The following ARHGAP42 variants were observed in gnomAD, a reference collection of about 807,000 sequenced individuals.
The protein encoded by ARHGAP42 is Rho GTPase activating protein 42.
Under a neutral mutation model 125.0 loss-of-function variants are expected in ARHGAP42, and 63 were observed. The observed-to-expected ratio is 0.50, with a 90% confidence interval of 0.41 to 0.62. The LOEUF is 0.62. ARHGAP42 is among the 20% of genes least tolerant of loss of function. ARHGAP42 has a pLI of 0.00. For synonymous variants in ARHGAP42, 339 were observed against 351.0 expected (o/e 0.97, Z 0.38); for missense variants, 766 against 1,024.2 (o/e 0.75, Z 3.44).
At chr11:100,914,920 C>G (rs1171703345) in intron 5 of ARHGAP42, among the ~76,000 whole-genome samples, 1 of 152,114 alleles carries the variant, frequency 6.6e-6, no homozygotes, top group Non-Finnish European at 1.5e-5. Context: ...ATTTTGGCAT[C>G]TGATGCCTTT....
At chr11:100,832,086 C>T (rs936063184) in intron 3 of ARHGAP42, among the ~76,000 whole-genome samples, 3 of 152,230 alleles carry the variant, frequency 2.0e-5, no homozygotes, top group Non-Finnish European at 4.4e-5. Flanking sequence ...CTATGTCTAT[C>T]AGATAATCTG....
In ARHGAP42 at chr11:100,990,470, G is replaced by T. The variant is rs1273405824; in HGVS notation, c.*1669G>T. 6.6e-6 allele frequency: 1 copy of T among 152,138 alleles called. No individual in the cohort carries two copies. The highest frequency in any genetic ancestry group is 1.5e-5 in the Non-Finnish European group (1 of 68,018). The allele number at this position is 152,138 out of a possible 1,614,324, so 9.4% of individuals were successfully genotyped here. ...GAATTAACAAGTAGAGAGAATAACG[G>T]TAGGCAGAGTCAGAATCAGGAATAA... On this transcript the variant is annotated 3_prime_UTR_variant, in exon 24 of 24. Coordinates refer to ENST00000298815, the MANE Select transcript of ARHGAP42 (RefSeq NM_152432.4).
rs1591299453 is a variant in ARHGAP42, at chr11:100,925,093, A to G, written c.597+3489A>G. On this transcript the variant is annotated intron_variant, in intron 6 of 23. Transcript: ENST00000298815. ...GTGATCCACCTGTTTTGGCCTCTCA[A>G]AGTGCTGGGATTACAGGCGTGAGCC... Among the ~76,000 whole-genome samples, 7 of 152,142 alleles carry G rather than the reference A, an allele frequency of 4.6e-5. No individual in the cohort carries two copies. In the South Asian group the frequency reaches 1.2e-3, roughly 27 times the overall value.
intron 7 of ARHGAP42, among the ~76,000 whole-genome samples, chr11:100,935,487 A>G (rs1287519790): frequency 6.6e-6 from 1 of 152,186 alleles, no homozygotes; most frequent in Non-Finnish European, 1.5e-5. Flanking sequence ...TCAAAAGTAT[A>G]TGAATTTATT....
intron 1 of ARHGAP42, among the ~76,000 whole-genome samples, chr11:100,766,439 AT>A (rs1219545675): frequency 2.6e-5 from 4 of 152,186 alleles, no homozygotes; most frequent in Admixed American, 2.6e-4. Context: ...TTTAAAATTT[AT>A]TAGGTTTTAA....
intron 1 of ARHGAP42, among the ~76,000 whole-genome samples, chr11:100,710,297 G>A (rs1466253147): frequency 2.0e-5 from 3 of 150,960 alleles, no homozygotes; most frequent in African/African-American, 4.9e-5. Context: ...GTATGATCTC[G>A]GCTCACTGTA....
At chr11:100,961,313 T>G (rs1857948038) in intron 14 of ARHGAP42, among the ~76,000 whole-genome samples, 3 of 152,134 alleles carry the variant, frequency 2.0e-5, no homozygotes, top group African/African-American at 7.2e-5. Context: ...GCTTAACGTC[T>G]TTGTGTCTCA....
intron 3 of ARHGAP42, among the ~76,000 whole-genome samples, chr11:100,837,663 ATCCTTTTTTT>A (rs1864826584): frequency 2.8e-5 from 1 of 35,416 alleles, no homozygotes; most frequent in Non-Finnish European, 6.4e-5. Context: ...TCTAGGTGTC[ATCCTTTTTTT>A]TTTTTTTTTT....
chr11:100,799,270 C>T (rs79262535), intron 3 of ARHGAP42, among the ~76,000 whole-genome samples: 3,744 of 152,258 alleles, frequency 0.025, 64 homozygotes, highest in Non-Finnish European at 0.04. Flanking sequence ...ATTTAGGAAA[C>T]ATTAGCCTAC....
At chr11:100,962,321 G>T in intron 15 of ARHGAP42, 88 bp from the exon 16 acceptor site, 2 of 989,440 alleles carry the variant, frequency 2.0e-6, no homozygotes, top group Non-Finnish European at 3.0e-6. Flanking sequence ...ATGAATAACA[G>T]TCACCTAATT....
At chr11:100,923,262 A>C (rs770261289) in intron 6 of ARHGAP42, among the ~76,000 whole-genome samples, 1 of 152,140 alleles carries the variant, frequency 6.6e-6, no homozygotes, top group Non-Finnish European at 1.5e-5. Flanking sequence ...GGGATTTTTG[A>C]ATTTCAGCTC....
At chr11:100,916,092 C>T (rs1002047219) in intron 5 of ARHGAP42, among the ~76,000 whole-genome samples, 1 of 152,116 alleles carries the variant, frequency 6.6e-6, no homozygotes, top group Non-Finnish European at 1.5e-5. Flanking sequence ...TGCCCATTTC[C>T]AGGACTGAAT....
Position 100,744,838 on chromosome 11 carries a change from T to TA in ARHGAP42, c.155-25505_155-25504insA, listed in dbSNP as rs1412185235. 4.6e-4 allele frequency among the ~76,000 whole-genome samples: 70 copies of TA among 152,300 alleles called. 1 individual carries two copies. In the East Asian group the frequency reaches 0.012, roughly 26 times the overall value. ...TAGCACTTGAATATAAAATTTTCTT[T>TA]TTAATTCTCTGCAAGGCAATGTACT... On this transcript the variant is annotated intron_variant, in intron 1 of 23. Transcript: ENST00000298815.
At chr11:100,775,377 G>A (rs898885992) in intron 2 of ARHGAP42, among the ~76,000 whole-genome samples, 3 of 138,896 alleles carry the variant, frequency 2.2e-5, no homozygotes, top group Admixed American at 2.1e-4. Context: ...TATAGGGGTA[G>A]ACCAAATACA....
chr11:100,695,024 G>A (rs1314515677), intron 1 of ARHGAP42, among the ~76,000 whole-genome samples: 1 of 152,182 alleles, frequency 6.6e-6, no homozygotes, highest in Non-Finnish European at 1.5e-5. Context: ...GAGTGAGACT[G>A]TCTCAAAAAG....
At chr11:100,985,184 G>A (rs1018202697) in intron 22 of ARHGAP42, among the ~76,000 whole-genome samples, 1 of 152,230 alleles carries the variant, frequency 6.6e-6, no homozygotes, top group South Asian at 2.1e-4. Context: ...AAGATTTGGG[G>A]TACATTTTAA....
intron 19 of ARHGAP42, 121 bp downstream of exon 19, chr11:100,974,724 C>T (rs962157945): frequency 9.6e-7 from 1 of 1,039,628 alleles, no homozygotes; most frequent in Non-Finnish European, 1.3e-6. Flanking sequence ...CCCAACACCT[C>T]CTCTTTTATC....
intron 5 of ARHGAP42, among the ~76,000 whole-genome samples, chr11:100,920,282 A>C (rs1389376906): frequency 2.0e-5 from 3 of 152,202 alleles, no homozygotes; most frequent in Non-Finnish European, 2.9e-5. Context: ...ATAAGTATAG[A>C]TAATTACAGC....
At chr11:100,960,158 T>C (rs1221506442) in intron 13 of ARHGAP42, among the ~76,000 whole-genome samples, 1 of 152,136 alleles carries the variant, frequency 6.6e-6, no homozygotes, top group African/African-American at 2.4e-5. Flanking sequence ...TTTTTTAGAT[T>C]TTTTTCTAAT....
Sources: gnomAD v4.1 joint callset for allele counts (sites outside exome capture counted in the v4.1 genomes callset) on GRCh38, gnomAD v4.1.1 for gene constraint, MANE v1.5 for transcripts, NCBI Gene and HGNC (gene_info 2026-07-23, HGNC 2026-07-21) for gene names.